The following PPAT variants were observed in gnomAD, a reference collection of about 807,000 sequenced individuals.
The protein encoded by PPAT is amidophosphoribosyltransferase.
In PPAT, 20 loss-of-function variants were observed where a neutral mutation model predicts 60.2. The observed-to-expected ratio is 0.33, with a 90% CI of 0.23 to 0.48. The LOEUF (loss-of-function observed/expected upper bound fraction) is 0.48, where lower values mean the gene tolerates loss of function less well. PPAT is among the 20% of genes least tolerant of loss of function. The probability of loss-of-function intolerance (pLI) is 0.99; values close to 1 mark genes in which losing one functional copy is unlikely to be tolerated. For synonymous variants in PPAT, 194 were observed against 215.1 expected (o/e 0.90, Z 0.86); for missense variants, 349 against 629.6 (o/e 0.55, Z 4.77).
chr4:56,435,569 T>C lies in PPAT; in HGVS notation c.-92A>G. On this transcript the variant is annotated 5_prime_UTR_variant, in exon 1 of 11. Transcript: ENST00000264220. ...AGCTCGGCCCGTCGAGCTCAGAAGC[T>C]CGCGCTCGCGACAGGCTCTTCCTTC... 1.3e-6 allele frequency: 2 copies of C among 1,592,892 alleles called. No homozygotes were observed. The highest frequency in any genetic ancestry group is 2.3e-4 in the Middle Eastern group (1 of 4,344).
intron 1 of PPAT, among the ~76,000 whole-genome samples, chr4:56,409,765 G>C (rs530795216): frequency 1.3e-5 from 2 of 152,300 alleles, no homozygotes; most frequent in Non-Finnish European, 2.9e-5. Flanking sequence ...GAAACAAAAA[G>C]TAAACCTCTT....
intron 5 of PPAT, 26 bp downstream of exon 5, chr4:56,403,014 A>G (rs1017317483): frequency 1.2e-5 from 18 of 1,564,538 alleles, no homozygotes; most frequent in Non-Finnish European, 1.6e-5. Flanking sequence ...ACACTATGAA[A>G]TGATATTCCT....
At chr4:56,418,588 G>C (rs995897653) in intron 1 of PPAT, among the ~76,000 whole-genome samples, 2 of 151,994 alleles carry the variant, frequency 1.3e-5, no homozygotes, top group Non-Finnish European at 2.9e-5. Flanking sequence ...CAAAGTACTG[G>C]GATTACAGGC....
Position 56,395,060 on chromosome 4 carries a change from G to A in PPAT, c.*292C>T, listed in dbSNP as rs566483988. On this transcript the variant is annotated 3_prime_UTR_variant, in exon 11 of 11. Coordinates refer to ENST00000264220, the MANE Select transcript of PPAT (RefSeq NM_002703.5). ...ACTTCTTGCAAACCCTTTAAAGCAT[G>A]GACTTGGGAAATGTCAGTGACCACC... The A allele has an allele frequency of 1.2e-4, 36 of 308,906 alleles. No individual in the cohort carries two copies. Among genetic ancestry groups the A allele is most frequent in the South Asian group, 1.1e-3 (26 of 24,120 alleles). 19.1% of individuals were successfully genotyped at this position (308,906 alleles called of 1,614,324 possible).
chr4:56,427,186 T>A (rs781003449), intron 1 of PPAT, among the ~76,000 whole-genome samples: 10 of 152,248 alleles, frequency 6.6e-5, no homozygotes, highest in African/African-American at 2.4e-4. Context: ...CTGCTATGAA[T>A]GTGGATGTAT....
At chr4:56,411,512 C>A (rs747908324) in intron 1 of PPAT, among the ~76,000 whole-genome samples, 1 of 152,148 alleles carries the variant, frequency 6.6e-6, no homozygotes, top group Admixed American at 6.5e-5. Flanking sequence ...GGTTTCTTGA[C>A]GTGCTGTGTT....
chr4:56,427,380 TG>T (rs1225359768), intron 1 of PPAT, among the ~76,000 whole-genome samples: 1 of 152,230 alleles, frequency 6.6e-6, no homozygotes, highest in Non-Finnish European at 1.5e-5. Context: ...GGAGTGGAAT[TG>T]CTTGGTCATA....
At chr4:56,434,396 T>C (rs1717782711) in intron 1 of PPAT, among the ~76,000 whole-genome samples, 1 of 152,264 alleles carries the variant, frequency 6.6e-6, no homozygotes, top group South Asian at 2.1e-4. Flanking sequence ...GTTACCACTG[T>C]ATTGCCTTAT....
intron 1 of PPAT, among the ~76,000 whole-genome samples, chr4:56,411,830 A>T (rs1419540502): frequency 2.0e-5 from 3 of 152,226 alleles, no homozygotes. Flanking sequence ...TGGGGTTAAG[A>T]GGACAAAGAT....
intron 1 of PPAT, among the ~76,000 whole-genome samples, chr4:56,414,059 T>C (rs554714180): frequency 6.6e-6 from 1 of 152,206 alleles, no homozygotes; most frequent in Non-Finnish European, 1.5e-5. Context: ...TTCATGTCAA[T>C]TGGGGTCTTA....
intron 1 of PPAT, among the ~76,000 whole-genome samples, chr4:56,413,958 T>C (rs1169471129): frequency 6.6e-6 from 1 of 152,238 alleles, no homozygotes; most frequent in Non-Finnish European, 1.5e-5. Context: ...CAATGGCCTA[T>C]AATGATATAC....
At position 56,394,163 on chromosome 4, in the gene PPAT, G is replaced by GA. The variant is rs1715904701; in HGVS notation, c.*1188dup. The GA allele has an allele frequency of 6.6e-6, 1 of 151,888 alleles. No homozygotes were observed. The allele number at this position is 151,888 out of a possible 1,614,324, so 9.4% of individuals were successfully genotyped here. ...AAACTTCTAATCTCAGATGTTACAA[G>GA]AAAAAACTTCAAAAAAGAAATCAAA... On this transcript the variant is annotated 3_prime_UTR_variant, in exon 11 of 11. Coordinates refer to ENST00000264220, the MANE Select transcript of PPAT (RefSeq NM_002703.5).
At chr4:56,428,399 A>C (rs1408605094) in intron 1 of PPAT, among the ~76,000 whole-genome samples, 1 of 152,190 alleles carries the variant, frequency 6.6e-6, no homozygotes. Flanking sequence ...AGAAACAAGA[A>C]AATATTTGAG....
chr4:56,401,609 C>T, intron 6 of PPAT, 128 bp from the exon 7 acceptor site: 2 of 848,440 alleles, frequency 2.4e-6, no homozygotes, highest in East Asian at 5.6e-5. Context: ...AATATAAAAT[C>T]TAGAAGTGAC....
chr4:56,398,175 C>G (rs1365661001), intron 9 of PPAT, among the ~76,000 whole-genome samples: 2 of 152,140 alleles, frequency 1.3e-5, no homozygotes, highest in Non-Finnish European at 2.9e-5. Context: ...TCAAGACCAA[C>G]CTGGGCAACA....
At position 56,394,614 on chromosome 4, in the gene PPAT, CAAAG is replaced by C. The variant is rs1180663341; in HGVS notation, c.*734_*737del. 1.3e-5 allele frequency: 2 copies of C among 152,204 alleles called. No individual in the cohort carries two copies. The allele number at this position is 152,204 out of a possible 1,614,324, so 9.4% of individuals were successfully genotyped here. The stretch of plus-strand genomic sequence containing the variant: ...TTTTACAACCCTTTTTAGGACATCT[CAAAG>C]AGAGATGGCAAAGATCTGCCAATTA... On this transcript the variant is annotated 3_prime_UTR_variant, in exon 11 of 11. Transcript: ENST00000264220.
intron 10 of PPAT, 72 bp from the exon 11 acceptor site, chr4:56,395,620 T>A: frequency 8.9e-7 from 1 of 1,117,812 alleles, no homozygotes; most frequent in East Asian, 3.0e-5. Context: ...CAACAGAGAA[T>A]AGTTACAAAC....
chr4:56,433,407 A>AG (rs1167402105), intron 1 of PPAT, among the ~76,000 whole-genome samples: 4 of 149,608 alleles, frequency 2.7e-5, no homozygotes, highest in African/African-American at 1.0e-4. Flanking sequence ...TAAAAAAAAA[A>AG]AAAAAGAAAA....
intron 1 of PPAT, among the ~76,000 whole-genome samples, chr4:56,424,827 T>A (rs1976815): frequency 0.68 from 103,338 of 152,068 alleles, 35,243 homozygotes; most frequent in South Asian, 0.76. Flanking sequence ...TATGAGCTGG[T>A]ATGCCTTATT....
Sources: allele counts gnomAD v4.1 joint callset (sites outside exome capture counted in the v4.1 genomes callset), GRCh38; gene constraint gnomAD v4.1.1; transcripts MANE v1.5; gene names NCBI Gene and HGNC (gene_info 2026-07-23, HGNC 2026-07-21).